The following MBD3 variants were observed in gnomAD, a reference collection of about 807,000 sequenced individuals.
The protein encoded by MBD3 is methyl-CpG binding domain protein 3.
Under a neutral mutation model 31.2 loss-of-function variants are expected in MBD3, and 13 were observed. That is an observed-to-expected ratio of 0.42 (90% CI 0.27 to 0.66). MBD3 has a LOEUF of 0.66. MBD3 is among the 30% of genes least tolerant of loss of function. The probability of loss-of-function intolerance (pLI) is 0.26; values close to 1 mark genes in which losing one functional copy is unlikely to be tolerated. For synonymous variants in MBD3, 223 were observed against 187.4 expected (o/e 1.19, Z -1.55); for missense variants, 440 against 426.5 (o/e 1.03, Z -0.28).
chr19:1,584,940 G>A, intron 2 of MBD3, 115 bp downstream of exon 2: 7 of 1,426,214 alleles, frequency 4.9e-6, no homozygotes, highest in East Asian at 2.5e-5. Flanking sequence ...CCCTCCGCCC[G>A]CTGTGACCTC....
rs57070800 is a variant in MBD3, at chr19:1,579,181, CAAAAAAAAAAAAAAAAAAAAA to C, written c.678-664_678-644del. ...CATGGGCAACAGAGCCAGATTCTGC[CAAAAAAAAAAAAAAAAAAAAA>C]AAAAAAAGCAAGCCTCACCAAAATC... On this transcript the variant is annotated intron_variant, in intron 5 of 6. Transcript: ENST00000434436. 5.2e-3 allele frequency among the ~76,000 whole-genome samples: 112 copies of C among 21,522 alleles called. 2 individuals are homozygous for C. The highest frequency in any genetic ancestry group is 0.021 in the African/African-American group (103 of 4,952). The allele number at this position is 21,522 out of a possible 152,430, so 14.1% of individuals were successfully genotyped here.
At chr19:1,581,964 T>A (rs1211165626) in intron 4 of MBD3, among the ~76,000 whole-genome samples, 1 of 152,114 alleles carries the variant, frequency 6.6e-6, no homozygotes, top group Non-Finnish European at 1.5e-5. Flanking sequence ...AGACAGGGTT[T>A]CACCATGTTA....
In MBD3 at chr19:1,582,716, C is replaced by T; in HGVS notation, c.409-4G>A. ...TCAGCTTCTTCTCCCAGAAGAGCTGCCCCAGACACATATGTGAACCTCAAG... is the reference window on the plus strand; with the variant it reads ...TCAGCTTCTTCTCCCAGAAGAGCTGTCCCAGACACATATGTGAACCTCAAG... On this transcript the variant is annotated splice_region_variant and splice_polypyrimidine_tract_variant and intron_variant, in intron 3 of 6. Coordinates refer to ENST00000434436, the MANE Select transcript of MBD3 (RefSeq NM_001281453.2). The T allele has an allele frequency of 6.2e-7, 1 of 1,612,440 alleles. No individual in the cohort carries two copies. Among genetic ancestry groups the T allele is most frequent in the Non-Finnish European group, 8.5e-7 (1 of 1,179,116 alleles).
intron 5 of MBD3, among the ~76,000 whole-genome samples, chr19:1,580,495 C>T (rs953663368): frequency 6.6e-6 from 1 of 152,256 alleles, no homozygotes; most frequent in African/African-American, 2.4e-5. Flanking sequence ...AAGCCGTGTG[C>T]TGCACTGAAC....
At chr19:1,579,354 T>A (rs1917295052) in intron 5 of MBD3, among the ~76,000 whole-genome samples, 1 of 151,786 alleles carries the variant, frequency 6.6e-6, no homozygotes, top group South Asian at 2.1e-4. Context: ...ATCCACACCC[T>A]CGTCTCAACC....
chr19:1,584,944 T>C (rs2060671320), intron 2 of MBD3, 111 bp downstream of exon 2: 12 of 1,453,586 alleles, frequency 8.3e-6, no homozygotes, highest in Non-Finnish European at 1.1e-5. Flanking sequence ...CCGCCCGCTG[T>C]GACCTCCTGC....
At chr19:1,587,833 A>G (rs1250154490) in intron 1 of MBD3, among the ~76,000 whole-genome samples, 1 of 152,198 alleles carries the variant, frequency 6.6e-6, no homozygotes, top group Non-Finnish European at 1.5e-5. Context: ...TTAATAATGC[A>G]TCAGCCTGAG....
rs116794683 is a variant in MBD3, at chr19:1,578,241, G to A, written c.*6-83C>T. The A allele has an allele frequency of 9.5e-4, 1,493 of 1,566,514 alleles. 9 individuals are homozygous for A. In the African/African-American group the frequency reaches 0.017, roughly 18 times the overall value. On this transcript the variant is annotated intron_variant, in intron 6 of 6. Transcript: ENST00000434436. The surrounding 1 kb of genome is among the most constrained non-coding windows in gnomAD (Gnocchi z 6.1). ...TCTTCTAGGGAGATGGGAAGCTCTT[G>A]GGAGGCACCCGTCATCCCAAGCACA... is the stretch of plus-strand genomic sequence containing the variant.
intron 1 of MBD3, among the ~76,000 whole-genome samples, chr19:1,589,190 G>A (rs1476723985): frequency 1.3e-5 from 2 of 151,396 alleles, no homozygotes; most frequent in Non-Finnish European, 2.9e-5. Context: ...AAGTAGCCGG[G>A]CGTGGTGGCA....
rs2060675209 is a variant in MBD3 at position 1,585,507 on chromosome 19, C to A, written c.111-293G>T. ...CCCGATCCTCACACCCTGGCCCTAG[C>A]CCCAGCCTCCACATCGGATCCTTGC... On this transcript the variant is annotated intron_variant, in intron 1 of 6. Transcript: ENST00000434436. This position sits in a 1 kb window ranked among gnomAD's most constrained non-coding sequence, Gnocchi z 4.1. The A allele has an allele frequency of 4.5e-6, 2 of 443,602 alleles. No homozygotes were observed. The highest frequency in any genetic ancestry group is 2.2e-5 in the South Asian group (1 of 44,562). The allele number at this position is 443,602 out of a possible 1,614,324, so 27.5% of individuals were successfully genotyped here.
rs1172639233 is a variant in MBD3, at chr19:1,577,056, TG to T, written c.*1107del. On this transcript the variant is annotated 3_prime_UTR_variant, in exon 7 of 7. Coordinates refer to ENST00000434436, the MANE Select transcript of MBD3 (RefSeq NM_001281453.2). ...TCCCCCTGGGGCAGCGACCAGATCC[TG>T]GCTGGGGCAGCACCGGGACAGGCCC... The T allele has an allele frequency of 5.9e-5, 9 of 152,414 alleles. No homozygotes were observed. The highest frequency in any genetic ancestry group is 2.2e-4 in the African/African-American group (9 of 41,472). The allele number at this position is 152,414 out of a possible 1,614,324, so 9.4% of individuals were successfully genotyped here. A position where few individuals can be genotyped will look rare whatever the true frequency, so the allele number is the denominator to read the frequency against.
intron 4 of MBD3, among the ~76,000 whole-genome samples, chr19:1,582,003 A>C (rs143005820): frequency 5.3e-5 from 8 of 152,156 alleles, no homozygotes; most frequent in Non-Finnish European, 1.0e-4. Flanking sequence ...TCCTGACCTC[A>C]TGATCCGCCC....
intron 5 of MBD3, among the ~76,000 whole-genome samples, chr19:1,580,758 T>C (rs564490711): frequency 1.4e-4 from 22 of 152,290 alleles, no homozygotes; most frequent in South Asian, 8.3e-4. Context: ...GCCATCTCCC[T>C]GAAGGCAGAG....
chr19:1,580,489 C>T (rs550366661), intron 5 of MBD3, among the ~76,000 whole-genome samples: 4 of 152,352 alleles, frequency 2.6e-5, no homozygotes, highest in Admixed American at 2.0e-4. Context: ...TGACCTAAGC[C>T]GTGTGCTGCA....
At position 1,585,235 on chromosome 19, in the gene MBD3, C is replaced by A; in HGVS notation, c.111-21G>T. ...TCGGGCTGCGGGGAGGCGGGACGGT[C>A]GGCGCCCCGGGCGGACCCCAGACCC... On this transcript the variant is annotated intron_variant, in intron 1 of 6. Transcript: ENST00000434436. The surrounding 1 kb of genome is among the most constrained non-coding windows in gnomAD (Gnocchi z 4.1). 1.3e-6 allele frequency: 2 copies of A among 1,562,554 alleles called. No individual in the cohort carries two copies. Among genetic ancestry groups the A allele is most frequent in the South Asian group, 2.3e-5 (2 of 86,896 alleles).
Position 1,578,757 on chromosome 19 carries a change from G to GC in MBD3, c.678-220dup, listed in dbSNP as rs979638552. Among the ~76,000 whole-genome samples the GC allele has an allele frequency of 6.6e-6, 1 of 152,112 alleles. No homozygotes were observed. Among genetic ancestry groups the GC allele is most frequent in the Non-Finnish European group, 1.5e-5 (1 of 67,998 alleles). On this transcript the variant is annotated intron_variant, in intron 5 of 6. Coordinates refer to ENST00000434436, the MANE Select transcript of MBD3 (RefSeq NM_001281453.2). This position sits in a 1 kb window ranked among gnomAD's most constrained non-coding sequence, Gnocchi z 6.1. ...CCAGCGTCCGCCACCCTCCCAGATGGCCCCCCTGCCACCTCTACTGGGACC... is the reference window on the plus strand; with the variant it reads ...CCAGCGTCCGCCACCCTCCCAGATGGCCCCCCCTGCCACCTCTACTGGGACC...
At chr19:1,587,936 T>C (rs2060686776) in intron 1 of MBD3, among the ~76,000 whole-genome samples, 1 of 152,190 alleles carries the variant, frequency 6.6e-6, no homozygotes, top group African/African-American at 2.4e-5. Flanking sequence ...GCCCCAGACG[T>C]CCTGGCCCAT....
rs1915641191 is a variant in MBD3, at chr19:1,575,089, T to C, written c.*3075A>G. 1 of 379,132 alleles carries C rather than the reference T, an allele frequency of 2.6e-6. No homozygotes were observed. The highest frequency in any genetic ancestry group is 5.4e-6 in the Non-Finnish European group (1 of 184,162). The allele number at this position is 379,132 out of a possible 1,614,324, so 23.5% of individuals were successfully genotyped here. On this transcript the variant is annotated 3_prime_UTR_variant, in exon 7 of 7. Transcript: ENST00000434436. Reference sequence around the variant, plus strand: ...TCTGTGGCGGCAGCGGTGGGGAGCTTGGTCTGAGGGGAGGCGGGGGACACG... The same window carrying C: ...TCTGTGGCGGCAGCGGTGGGGAGCTCGGTCTGAGGGGAGGCGGGGGACACG...
Position 1,578,546 on chromosome 19 carries a change from C to T in MBD3, c.678-8G>A. On this transcript the variant is annotated splice_region_variant and splice_polypyrimidine_tract_variant and intron_variant, in intron 5 of 6. Transcript: ENST00000434436. The surrounding 1 kb of genome is among the most constrained non-coding windows in gnomAD (Gnocchi z 6.1). ...ACCAGCTCTTCCTGCTTCCTGGGGA[C>T]ACATGGACCTTGCGTTACACCAAGG... 1.2e-6 allele frequency: 2 copies of T among 1,611,802 alleles called. No individual in the cohort carries two copies. Among genetic ancestry groups the T allele is most frequent in the Non-Finnish European group, 8.5e-7 (1 of 1,179,900 alleles).
Sources: allele counts gnomAD v4.1 joint callset (sites outside exome capture counted in the v4.1 genomes callset), GRCh38; gene constraint gnomAD v4.1.1; non-coding constraint Gnocchi (gnomAD v3.1); transcripts MANE v1.5; gene names NCBI Gene and HGNC (gene_info 2026-07-23, HGNC 2026-07-21).